FRMD4B: variants seen among roughly 807,000 people sequenced by gnomAD.
FRMD4B encodes FERM domain-containing protein 4B.
Under a neutral mutation model 141.5 loss-of-function variants are expected in FRMD4B, and 74 were observed. That is an observed-to-expected ratio of 0.52 (90% CI 0.43 to 0.63). The LOEUF (loss-of-function observed/expected upper bound fraction) is 0.63, where lower values mean the gene tolerates loss of function less well. Ranked by LOEUF, FRMD4B falls within the 30% of genes least tolerant of loss-of-function variation. FRMD4B has a pLI of 0.00. For synonymous variants in FRMD4B, 506 were observed against 467.9 expected (o/e 1.08, Z -1.05); for missense variants, 1,366 against 1,253.4 (o/e 1.09, Z -1.36).
chr3:69,264,575 C>T (rs962510805), intron 5 of FRMD4B, among the ~76,000 whole-genome samples: 1 of 152,010 alleles, frequency 6.6e-6, no homozygotes, highest in Non-Finnish European at 1.5e-5. Flanking sequence ...TGTAAGCATA[C>T]CTAGACAGCA....
At chr3:69,465,515 T>C (rs1253018900) in intron 1 of FRMD4B, among the ~76,000 whole-genome samples, 1 of 152,126 alleles carries the variant, frequency 6.6e-6, no homozygotes, top group Non-Finnish European at 1.5e-5. Flanking sequence ...ACATTAGGTA[T>C]ATCTCCTAAT....
chr3:69,364,876 A>T (rs202027414), intron 1 of FRMD4B, among the ~76,000 whole-genome samples: 10 of 149,626 alleles, frequency 6.7e-5, no homozygotes, highest in African/African-American at 2.0e-4. Context: ...GTTTTTTTAA[A>T]AAAATAAATA....
chr3:69,455,368 T>C (rs1028198350), intron 1 of FRMD4B, among the ~76,000 whole-genome samples: 4 of 152,212 alleles, frequency 2.6e-5, no homozygotes, highest in African/African-American at 9.6e-5. Flanking sequence ...TGCACTGCCT[T>C]TATGAGCTGT....
At chr3:69,502,050 G>T (rs1178770819) in intron 1 of FRMD4B, among the ~76,000 whole-genome samples, 4 of 152,150 alleles carry the variant, frequency 2.6e-5, no homozygotes, top group Non-Finnish European at 5.9e-5. Context: ...ACAAATGGAA[G>T]AACATTTCAT....
chr3:69,355,754 G>A (rs939105019), intron 1 of FRMD4B, among the ~76,000 whole-genome samples: 5 of 152,172 alleles, frequency 3.3e-5, no homozygotes, highest in African/African-American at 1.2e-4. Context: ...GCCGGGCACA[G>A]TGTCTCACAC....
chr3:69,442,457 C>T (rs1202993284), intron 1 of FRMD4B, among the ~76,000 whole-genome samples: 1 of 151,996 alleles, frequency 6.6e-6, no homozygotes, highest in Non-Finnish European at 1.5e-5. Flanking sequence ...TTGTCAATCC[C>T]ACTTCTAGAG....
At chr3:69,410,205 G>C (rs1376310223) in intron 2 of FRMD4B, among the ~76,000 whole-genome samples, 2 of 152,142 alleles carry the variant, frequency 1.3e-5, no homozygotes, top group Admixed American at 6.5e-5. Context: ...TCTTGCTCCT[G>C]ACTATTCCTC....
At chr3:69,459,127 C>A (rs1021585408) in intron 1 of FRMD4B, among the ~76,000 whole-genome samples, 1 of 152,140 alleles carries the variant, frequency 6.6e-6, no homozygotes, top group Non-Finnish European at 1.5e-5. Flanking sequence ...TGTTTATGAT[C>A]CACTGCCTTT....
intron 2 of FRMD4B, among the ~76,000 whole-genome samples, chr3:69,414,044 G>A (rs1195895962): frequency 1.3e-5 from 2 of 152,086 alleles, no homozygotes; most frequent in South Asian, 2.1e-4. Context: ...GAGAAAAGAC[G>A]TGCATATGGC....
chr3:69,518,263 T>C (rs1387996039), intron 1 of FRMD4B, among the ~76,000 whole-genome samples: 5 of 152,148 alleles, frequency 3.3e-5, no homozygotes, highest in African/African-American at 1.2e-4. Context: ...AAAATGATCT[T>C]AAATTTTTTA....
chr3:69,494,551 A>C (rs1452530559), intron 1 of FRMD4B, among the ~76,000 whole-genome samples: 2 of 152,170 alleles, frequency 1.3e-5, no homozygotes, highest in Admixed American at 6.5e-5. Context: ...GAGTTCACAC[A>C]TGTGGGAAGA....
At chr3:69,177,925 G>A (rs530580901) in intron 21 of FRMD4B, among the ~76,000 whole-genome samples, 10 of 152,190 alleles carry the variant, frequency 6.6e-5, no homozygotes, top group Non-Finnish European at 4.4e-5. Context: ...GTGTTGGGGT[G>A]TGGATTGGGG....
intron 1 of FRMD4B, among the ~76,000 whole-genome samples, chr3:69,540,634 AAAATATAT>A (rs1171364279): frequency 1.4e-5 from 1 of 69,702 alleles, no homozygotes; most frequent in Non-Finnish European, 2.4e-5. Context: ...AAAAAAAAAA[AAAATATAT>A]ATATATATAT....
chr3:69,323,656 G>A (rs1450942445), intron 1 of FRMD4B, among the ~76,000 whole-genome samples: 13 of 112,590 alleles, frequency 1.2e-4, no homozygotes, highest in South Asian at 3.0e-4. Flanking sequence ...ATATATATGC[G>A]TTTTAAATGA....
At chr3:69,223,563 G>A (rs1261554949) in intron 8 of FRMD4B, among the ~76,000 whole-genome samples, 1 of 152,036 alleles carries the variant, frequency 6.6e-6, no homozygotes, top group Non-Finnish European at 1.5e-5. Flanking sequence ...GCTTGGTCGG[G>A]CCCGGTGGCT....
chr3:69,261,161 C>T (rs1267583391), intron 5 of FRMD4B, among the ~76,000 whole-genome samples: 1 of 152,176 alleles, frequency 6.6e-6, no homozygotes, highest in Non-Finnish European at 1.5e-5. Flanking sequence ...TTTGGGTCCA[C>T]ACCACCTTTA....
chr3:69,386,024 C>G lies in FRMD4B; in HGVS notation c.-35G>C. On this transcript the variant is annotated 5_prime_UTR_variant, in exon 1 of 23. Transcript: ENST00000398540. The stretch of plus-strand genomic sequence containing the variant: ...TTCGCTCTGAACCCGGGCGTCCCGG[C>G]TCTCGTACGTGCAGCCCCGACCCCA... The G allele has an allele frequency of 6.5e-7, 1 of 1,531,970 alleles. No individual in the cohort carries two copies. Among genetic ancestry groups the G allele is most frequent in the Non-Finnish European group, 8.8e-7 (1 of 1,132,268 alleles). The allele number at this position is 1,531,970 out of a possible 1,614,324, so 94.9% of individuals were successfully genotyped here. A position where few individuals can be genotyped will look rare whatever the true frequency, so the allele number is the denominator to read the frequency against.
At chr3:69,403,803 C>A (rs1048891233) in intron 2 of FRMD4B, among the ~76,000 whole-genome samples, 1 of 152,102 alleles carries the variant, frequency 6.6e-6, no homozygotes, top group African/African-American at 2.4e-5. Flanking sequence ...AGCACGCATG[C>A]GTACCCCACT....
chr3:69,363,335 T>C (rs769017635), intron 1 of FRMD4B, among the ~76,000 whole-genome samples: 35 of 150,850 alleles, frequency 2.3e-4, no homozygotes, highest in Non-Finnish European at 7.4e-5. Flanking sequence ...TCCTCCCATC[T>C]TGACCTCCCA....
Sources: allele counts gnomAD v4.1 joint callset (sites outside exome capture counted in the v4.1 genomes callset), GRCh38; gene constraint gnomAD v4.1.1; transcripts MANE v1.5; gene names NCBI Gene and HGNC (gene_info 2026-07-23, HGNC 2026-07-21).